NFIB: variants seen among roughly 807,000 people sequenced by gnomAD.
NFIB encodes the protein nuclear factor I B.
Under a neutral mutation model 61.5 loss-of-function variants are expected in NFIB, and 11 were observed. The ratio of observed to expected loss-of-function variants is 0.18; its 90% CI spans 0.11 to 0.30. The LOEUF (loss-of-function observed/expected upper bound fraction) is 0.30, where lower values mean the gene tolerates loss of function less well. Ranked by LOEUF, NFIB falls within the 10% of genes least tolerant of loss-of-function variation. The pLI, the probability that NFIB is intolerant of heterozygous loss-of-function variation, is 1.00. For synonymous variants in NFIB, 260 were observed against 216.5 expected, an observed-to-expected ratio of 1.20 and a Z score of -1.76; for missense variants, 471 against 608.9, an observed-to-expected ratio of 0.77 and a Z score of 2.38.
chr9:14,184,048 A>G (rs9777428), intron 2 of NFIB, among the ~76,000 whole-genome samples: 9,297 of 151,980 alleles, frequency 0.061, 398 homozygotes, highest in Non-Finnish European at 0.091. Context: ...CCTTTCGTCC[A>G]CTCCTTTTTT....
At chr9:14,154,906 T>C (rs1157707722) in intron 4 of NFIB, among the ~76,000 whole-genome samples, 1 of 152,170 alleles carries the variant, frequency 6.6e-6, no homozygotes, top group Non-Finnish European at 1.5e-5. Context: ...TCGATTACTC[T>C]TTGTTCTTTC....
intron 7 of NFIB, among the ~76,000 whole-genome samples, chr9:14,123,115 A>C (rs2039148484): frequency 6.6e-6 from 1 of 151,584 alleles, no homozygotes; most frequent in Admixed American, 6.6e-5. Flanking sequence ...AAATTAGCTG[A>C]GCGGGGTGGT....
chr9:14,199,888 T>G (rs1042758837), intron 2 of NFIB, among the ~76,000 whole-genome samples: 1 of 152,196 alleles, frequency 6.6e-6, no homozygotes, highest in Non-Finnish European at 1.5e-5. Flanking sequence ...CTCAATCATA[T>G]TTGCTAAGGT....
chr9:14,422,488 G>A, the NFIB span, among the ~76,000 whole-genome samples: 5 of 152,158 alleles, frequency 3.3e-5, no homozygotes, highest in Admixed American at 6.5e-5. Context: ...CAAAGCCCCC[G>A]TATTAGCTGG....
At chr9:14,330,190 G>A (rs1336735951) in intron 1 of NFIB, among the ~76,000 whole-genome samples, 1 of 152,138 alleles carries the variant, frequency 6.6e-6, no homozygotes, top group Non-Finnish European at 1.5e-5. Flanking sequence ...GCAAGTGAGG[G>A]AGGATGATCA....
chr9:14,479,689 G>C, the NFIB span, among the ~76,000 whole-genome samples: 1 of 152,150 alleles, frequency 6.6e-6, no homozygotes, highest in Non-Finnish European at 1.5e-5. Flanking sequence ...TGTAAATTGG[G>C]TATTACAAAG....
At chr9:14,264,076 G>C (rs1389066101) in intron 2 of NFIB, among the ~76,000 whole-genome samples, 1 of 152,002 alleles carries the variant, frequency 6.6e-6, no homozygotes, top group Non-Finnish European at 1.5e-5. Flanking sequence ...AGGAAGAAAG[G>C]AGACAAACTT....
chr9:14,507,048 T>C, the NFIB span, among the ~76,000 whole-genome samples: 1 of 152,246 alleles, frequency 6.6e-6, no homozygotes. Context: ...TTTTTAAATG[T>C]TTTAAAACTT....
At chr9:14,170,291 A>T (rs1376635259) in intron 3 of NFIB, among the ~76,000 whole-genome samples, 1 of 152,170 alleles carries the variant, frequency 6.6e-6, no homozygotes, top group Non-Finnish European at 1.5e-5. Flanking sequence ...TCTTGTAAAT[A>T]TGGAGAGGGA....
chr9:14,182,738 G>C (rs1251991540), intron 2 of NFIB, among the ~76,000 whole-genome samples: 6 of 150,876 alleles, frequency 4.0e-5, no homozygotes, highest in South Asian at 2.1e-4. Flanking sequence ...GTGTGTGTGT[G>C]TGTGTGTGTG....
chr9:14,401,451 G>A (rs181279919), upstream of NFIB, among the ~76,000 whole-genome samples: 7 of 152,072 alleles, frequency 4.6e-5, no homozygotes, highest in Non-Finnish European at 1.0e-4. Flanking sequence ...GTTCACCATC[G>A]GCCTGGAAGC....
intron 2 of NFIB, among the ~76,000 whole-genome samples, chr9:14,280,475 T>A (rs2058298344): frequency 6.6e-6 from 1 of 152,102 alleles, no homozygotes; most frequent in African/African-American, 2.4e-5. Context: ...ACCTCAATCT[T>A]CTCTAACCCT....
chr9:14,396,133 C>T (rs16931701), intron 1 of NFIB, among the ~76,000 whole-genome samples: 3,573 of 152,124 alleles, frequency 0.023, 54 homozygotes, highest in Middle Eastern at 0.075. Context: ...TCTCGCAAAG[C>T]AGCTTTTAAT....
chr9:14,174,540 G>A (rs200598746), intron 3 of NFIB, among the ~76,000 whole-genome samples: 2 of 152,168 alleles, frequency 1.3e-5, no homozygotes, highest in East Asian at 3.9e-4. Context: ...GGCTGAGGCG[G>A]GTGGATCACG....
intron 1 of NFIB, among the ~76,000 whole-genome samples, chr9:14,341,168 T>C (rs927466105): frequency 2.0e-5 from 3 of 152,142 alleles, no homozygotes; most frequent in Admixed American, 6.5e-5. Context: ...GCATCACACG[T>C]TGTGGTCTTT....
intron 2 of NFIB, among the ~76,000 whole-genome samples, chr9:14,187,023 GTGTA>G (rs1334394984): frequency 0.049 from 582 of 11,760 alleles, 4 homozygotes; most frequent in South Asian, 0.11. Context: ...GTGTGTGTGT[GTGTA>G]TGTGTGTGTG....
chr9:14,379,751 T>C (rs1194517426), intron 1 of NFIB, among the ~76,000 whole-genome samples: 1 of 152,110 alleles, frequency 6.6e-6, no homozygotes, highest in African/African-American at 2.4e-5. Flanking sequence ...GGCATAATCT[T>C]GGCTCACTGC....
intron 2 of NFIB, among the ~76,000 whole-genome samples, chr9:14,229,507 A>G (rs1483191014): frequency 1.3e-5 from 2 of 152,178 alleles, no homozygotes; most frequent in African/African-American, 2.4e-5. Flanking sequence ...CTAAATATAA[A>G]CTGGAGATAA....
At chr9:14,382,203 T>C (rs1366881526) in intron 1 of NFIB, among the ~76,000 whole-genome samples, 1 of 152,180 alleles carries the variant, frequency 6.6e-6, no homozygotes, top group East Asian at 1.9e-4. Flanking sequence ...GTCTTGGAGA[T>C]ACCCTCTGGA....
Sources: gnomAD v4.1 joint callset for allele counts (sites outside exome capture counted in the v4.1 genomes callset) on GRCh38, gnomAD v4.1.1 for gene constraint, MANE v1.5 for transcripts, NCBI Gene and HGNC (gene_info 2026-07-23, HGNC 2026-07-21) for gene names.